STPG2: variants seen among roughly 807,000 people sequenced by gnomAD.
STPG2 encodes sperm-tail PG-rich repeat-containing protein 2.
In STPG2, 56 loss-of-function variants were observed where a neutral mutation model predicts 54.2. That is an observed-to-expected ratio of 1.03 (90% CI 0.83 to 1.29). The LOEUF (loss-of-function observed/expected upper bound fraction) is 1.29, where lower values mean the gene tolerates loss of function less well. STPG2 is among the 50% of genes most tolerant of loss of function. The pLI is 0.00. For missense variants in STPG2, 596 were observed against 544.9 expected (o/e 1.09, Z -0.93); for synonymous variants, 200 against 181.8 (o/e 1.10, Z -0.81).
intron 6 of STPG2, among the ~76,000 whole-genome samples, chr4:97,979,767 C>T (rs1734611383): frequency 6.6e-6 from 1 of 151,378 alleles, no homozygotes; most frequent in Non-Finnish European, 1.5e-5. Context: ...GCTCTGTTGC[C>T]AGGCTGGAGT....
intron 7 of STPG2, among the ~76,000 whole-genome samples, chr4:97,962,491 A>G (rs1333484007): frequency 6.6e-6 from 1 of 152,240 alleles, no homozygotes; most frequent in Non-Finnish European, 1.5e-5. Flanking sequence ...CACAAGGTTT[A>G]CCAGACTGAA....
chr4:97,586,346 G>A (rs889234055), intron 10 of STPG2, among the ~76,000 whole-genome samples: 4 of 151,700 alleles, frequency 2.6e-5, no homozygotes, highest in Admixed American at 6.6e-5. Context: ...AATAATAACC[G>A]ATATTTATAT....
At chr4:98,131,130 A>T (rs929518161) in intron 2 of STPG2, among the ~76,000 whole-genome samples, 1 of 151,862 alleles carries the variant, frequency 6.6e-6, no homozygotes, top group African/African-American at 2.4e-5. Flanking sequence ...ATTTTTTCCC[A>T]TTCTTTTTAA....
At chr4:97,635,384 T>C (rs138894434) in intron 10 of STPG2, among the ~76,000 whole-genome samples, 2,270 of 152,190 alleles carry the variant, frequency 0.015, 51 homozygotes, top group African/African-American at 0.052. Flanking sequence ...TGCTGCAAAA[T>C]CATGCCAAAA....
chr4:97,475,098 T>C (rs892455310), intron 4 of STPG2, among the ~76,000 whole-genome samples: 3 of 152,048 alleles, frequency 2.0e-5, no homozygotes, highest in African/African-American at 4.8e-5. Context: ...TATAAAAATA[T>C]TGAATAAACA....
intron 7 of STPG2, among the ~76,000 whole-genome samples, chr4:97,960,923 A>T (rs1733860371): frequency 6.6e-6 from 1 of 152,158 alleles, no homozygotes; most frequent in Non-Finnish European, 1.5e-5. Flanking sequence ...ATGTGGAGGC[A>T]TCACATTACC....
intron 10 of STPG2, among the ~76,000 whole-genome samples, chr4:97,678,508 A>C (rs1175712381): frequency 6.6e-6 from 1 of 152,206 alleles, no homozygotes; most frequent in African/African-American, 2.4e-5. Flanking sequence ...ATCAGCACTT[A>C]CCATGCACCA....
At chr4:98,056,337 A>C (rs1023957856) in intron 5 of STPG2, among the ~76,000 whole-genome samples, 6 of 152,158 alleles carry the variant, frequency 3.9e-5, no homozygotes, top group Non-Finnish European at 8.8e-5. Flanking sequence ...AGTCTCCAGC[A>C]GAGGCCCCCT....
At chr4:97,895,432 A>G (rs989427399) in intron 8 of STPG2, among the ~76,000 whole-genome samples, 1 of 151,780 alleles carries the variant, frequency 6.6e-6, no homozygotes, top group Non-Finnish European at 1.5e-5. Flanking sequence ...TTCTGTATAC[A>G]CTCCATTAAT....
chr4:97,672,349 AT>A (rs5860509), intron 10 of STPG2, among the ~76,000 whole-genome samples: 81,002 of 150,704 alleles, frequency 0.54, 22,432 homozygotes, highest in South Asian at 0.67. Context: ...AATTTTTGTA[AT>A]TTTTTTTAGT....
chr4:97,488,693 C>G (rs1730430156), intron 4 of STPG2, among the ~76,000 whole-genome samples: 2 of 151,604 alleles, frequency 1.3e-5, no homozygotes, highest in African/African-American at 2.4e-5. Flanking sequence ...CCCAGTTGAA[C>G]AGAAAGAGAC....
intron 9 of STPG2, among the ~76,000 whole-genome samples, chr4:97,718,797 G>A (rs1217981684): frequency 6.6e-6 from 1 of 151,898 alleles, no homozygotes; most frequent in Non-Finnish European, 1.5e-5. Flanking sequence ...ATCATGTAAT[G>A]TAAATATTCT....
At position 97,733,100 on chromosome 4, in the gene STPG2, G is replaced by GA. The variant is rs1201962867; in HGVS notation, c.1205-20287dup. Reference sequence around the variant, plus strand: ...CCCACTACTGGGTATCTATCCAAAGGAAAAAAATAATAATTATATTAAAAG... The same window carrying GA: ...CCCACTACTGGGTATCTATCCAAAGGAAAAAAAATAATAATTATATTAAAAG... On this transcript the variant is annotated intron_variant, in intron 9 of 10. Transcript: ENST00000295268. 8.6e-5 allele frequency among the ~76,000 whole-genome samples: 13 copies of GA among 151,826 alleles called. No homozygotes were observed. The South Asian group carries it at 2.5e-3, about 29-fold the overall frequency.
chr4:97,846,775 A>C (rs1159991203), intron 8 of STPG2, among the ~76,000 whole-genome samples: 1 of 152,228 alleles, frequency 6.6e-6, no homozygotes, highest in East Asian at 1.9e-4. Flanking sequence ...GTCTAATAGC[A>C]AGAGGTATAT....
At chr4:98,006,775 T>C (rs1735586032) in intron 5 of STPG2, among the ~76,000 whole-genome samples, 1 of 152,212 alleles carries the variant, frequency 6.6e-6, no homozygotes, top group African/African-American at 2.4e-5. Flanking sequence ...TGTATGACTC[T>C]ACTGAGCTTC....
chr4:98,071,764 C>T (rs1181712978), intron 5 of STPG2, among the ~76,000 whole-genome samples: 1 of 152,108 alleles, frequency 6.6e-6, no homozygotes, highest in Non-Finnish European at 1.5e-5. Context: ...ACAGACACTT[C>T]TCAAAGGAAG....
At chr4:97,783,053 T>C (rs1726700545) in intron 9 of STPG2, among the ~76,000 whole-genome samples, 1 of 152,180 alleles carries the variant, frequency 6.6e-6, no homozygotes, top group African/African-American at 2.4e-5. Flanking sequence ...TCAAAAGCAA[T>C]GGCAACAAAA....
chr4:98,082,889 C>T (rs1738392836), intron 5 of STPG2, among the ~76,000 whole-genome samples: 1 of 152,144 alleles, frequency 6.6e-6, no homozygotes, highest in Non-Finnish European at 1.5e-5. Context: ...AGCCCTTCTA[C>T]CACAATCCAA....
chr4:97,931,959 G>T (rs1732564080), intron 8 of STPG2, among the ~76,000 whole-genome samples: 1 of 151,922 alleles, frequency 6.6e-6, no homozygotes, highest in African/African-American at 2.4e-5. Context: ...ATTTCTTCCT[G>T]GTTCAAGTCT....
Sources: allele counts gnomAD v4.1 joint callset (sites outside exome capture counted in the v4.1 genomes callset), GRCh38; gene constraint gnomAD v4.1.1; transcripts MANE v1.5; gene names NCBI Gene and HGNC (gene_info 2026-07-23, HGNC 2026-07-21).